Variants in XPA observed in about 807,000 individuals in gnomAD.
The protein encoded by XPA is DNA repair protein complementing XP-A cells.
In XPA, 27 loss-of-function variants were observed where a neutral mutation model predicts 35.7. The observed-to-expected ratio is 0.76, with a 90% CI of 0.56 to 1.04. The LOEUF is 1.04. Among genes scored for constraint, XPA ranks in the 50% least tolerant of loss-of-function variants. The pLI is 0.00. For synonymous variants in XPA, 133 were observed against 118.4 expected (o/e 1.12, Z -0.80); for missense variants, 354 against 342.7 (o/e 1.03, Z -0.26).
chr9:97,658,876 C>T, the XPA span: 1 of 682,690 alleles, frequency 1.5e-6, no homozygotes, highest in East Asian at 2.7e-5. Context: ...GAAAGGTGGT[C>T]TATCATTAGC....
the XPA span, among the ~76,000 whole-genome samples, chr9:97,667,847 A>G: frequency 6.6e-6 from 1 of 152,248 alleles, no homozygotes; most frequent in African/African-American, 2.4e-5. Flanking sequence ...ACATATTTAT[A>G]TAACATTGGC....
the XPA span, chr9:97,669,070 ACATT>A: frequency 3.7e-6 from 5 of 1,340,474 alleles, no homozygotes; most frequent in Non-Finnish European, 5.1e-6. Context: ...AAAGGAATAC[ACATT>A]CATTTATAGA....
rs1554702607 is a variant in XPA at position 97,693,689 on chromosome 9, TTCTTCC to T, written c.237_242del (p.Glu83_Glu84del). On this transcript the variant is annotated inframe_deletion, in exon 2 of 6. Coordinates refer to ENST00000375128, the MANE Select transcript of XPA (RefSeq NM_000380.4). ...CTTTTCCAATTTTCTGTTCTTCTTCTTCTTCCTCTTCTAAAATGAAGCCTCCTCCTG... is the reference window on the plus strand; with the variant it reads ...CTTTTCCAATTTTCTGTTCTTCTTCTTCTTCTAAAATGAAGCCTCCTCCTG... The T allele has an allele frequency of 1.9e-6, 3 of 1,613,482 alleles. No homozygotes were observed. In the South Asian group the frequency reaches 3.3e-5, roughly 18 times the overall value.
At chr9:97,668,724 A>G in the XPA span, 1 of 1,061,610 alleles carries the variant, frequency 9.4e-7, no homozygotes, top group Non-Finnish European at 1.3e-6. Flanking sequence ...GTGGGGGGGT[A>G]CTTTCACTAT....
At chr9:97,663,154 C>A in the XPA span, 5 of 831,738 alleles carry the variant, frequency 6.0e-6, no homozygotes, top group Non-Finnish European at 9.7e-6. Flanking sequence ...TTGACTCTGC[C>A]TAGATAATGG....
chr9:97,675,939 C>T (rs1340547370), intron 5 of XPA: 1 of 269,620 alleles, frequency 3.7e-6, no homozygotes, highest in East Asian at 8.3e-5. Context: ...AACAGAATGC[C>T]ACAGTAGGAA....
At chr9:97,657,926 A>ATAT in the XPA span, among the ~76,000 whole-genome samples, 461 of 91,410 alleles carry the variant, frequency 5.0e-3, 2 homozygotes, top group Non-Finnish European at 7.3e-3. Flanking sequence ...ATATATATAT[A>ATAT]TTTTTTTTTT....
At chr9:97,683,394 T>G (rs1828605586) in intron 5 of XPA, among the ~76,000 whole-genome samples, 1 of 152,178 alleles carries the variant, frequency 6.6e-6, no homozygotes, top group South Asian at 2.1e-4. Flanking sequence ...TGGCTAATTT[T>G]GGGAAGGTTC....
the XPA span, among the ~76,000 whole-genome samples, chr9:97,666,395 A>C: frequency 1.3e-5 from 2 of 152,182 alleles, no homozygotes; most frequent in African/African-American, 4.8e-5. Context: ...TTTTGAGAAA[A>C]TTTCTACACA....
chr9:97,692,545 G>A (rs1828925478), intron 2 of XPA, among the ~76,000 whole-genome samples: 1 of 152,140 alleles, frequency 6.6e-6, no homozygotes, highest in Non-Finnish European at 1.5e-5. Flanking sequence ...AATTTACCAG[G>A]ATGCATTAGA....
In XPA at chr9:97,674,949, C is replaced by T; in HGVS notation, c.*490G>A. ...TCAATGTTTATTTCTGCTATTAGGG[C>T]TTTTTCCAGCAGTAGTTCCCCACTG... On this transcript the variant is annotated 3_prime_UTR_variant, in exon 6 of 6. Coordinates refer to ENST00000375128, the MANE Select transcript of XPA (RefSeq NM_000380.4). 5.8e-6 allele frequency: 3 copies of T among 518,348 alleles called. No individual in the cohort carries two copies. Among genetic ancestry groups the T allele is most frequent in the Non-Finnish European group, 1.1e-5 (3 of 266,234 alleles). 32.1% of individuals were successfully genotyped at this position (518,348 alleles called of 1,614,324 possible).
chr9:97,657,929 T>A, the XPA span, among the ~76,000 whole-genome samples: 1,516 of 99,564 alleles, frequency 0.015, 15 homozygotes, highest in African/African-American at 0.058. Flanking sequence ...TATATATATT[T>A]TTTTTTTTTT....
At chr9:97,668,870 A>G in the XPA span, 8 of 1,613,886 alleles carry the variant, frequency 5.0e-6, no homozygotes, top group African/African-American at 1.3e-5. Flanking sequence ...CGACAGAAGC[A>G]GTGACAGGAA....
intron 5 of XPA, among the ~76,000 whole-genome samples, chr9:97,676,865 A>G (rs1246856265): frequency 6.6e-6 from 1 of 152,158 alleles, no homozygotes. Context: ...TGTTCATCCA[A>G]ACTCTTCATT....
At position 97,697,304 on chromosome 9, in the gene XPA, T is replaced by C. The variant is rs1314443865; in HGVS notation, c.-12A>G. The C allele has an allele frequency of 6.3e-7, 1 of 1,597,318 alleles. No homozygotes were observed. The highest frequency in any genetic ancestry group is 1.1e-5 in the South Asian group (1 of 91,018). ...TCGGCCGCCGCCATCTCTGGCCCAC[T>C]CCGAGGACCTAGCTCCCAGCTCCAC... On this transcript the variant is annotated 5_prime_UTR_variant, in exon 1 of 6. Coordinates refer to ENST00000375128, the MANE Select transcript of XPA (RefSeq NM_000380.4).
downstream of XPA, chr9:97,669,960 T>G: frequency 8.3e-6 from 4 of 481,364 alleles, no homozygotes; most frequent in Non-Finnish European, 1.1e-5. Flanking sequence ...TCTCACTCTG[T>G]TGCCCAGGCT....
intron 5 of XPA, among the ~76,000 whole-genome samples, chr9:97,677,751 TC>T (rs1427241012): frequency 1.4e-5 from 2 of 145,082 alleles, no homozygotes; most frequent in Non-Finnish European, 2.9e-5. Flanking sequence ...TTTGGGTTTT[TC>T]TTTTTTTTTT....
At chr9:97,685,338 C>T (rs551534905) in intron 4 of XPA, among the ~76,000 whole-genome samples, 15 of 152,130 alleles carry the variant, frequency 9.9e-5, no homozygotes, top group Admixed American at 6.5e-4. Flanking sequence ...TGAGTTTGAT[C>T]AACTGTGGTG....
chr9:97,697,225 G>C lies in XPA; in HGVS notation c.68C>G (p.Ser23Trp). 1 of 1,601,234 alleles carries C rather than the reference G, an allele frequency of 6.2e-7. No individual in the cohort carries two copies. The highest frequency in any genetic ancestry group is 8.5e-7 in the Non-Finnish European group (1 of 1,179,038). ...ALEQPAELPA[S>W]VRASIERKRQ... ...CTTCCGCTCGATACTCGCCCGCACC[G>C]AGGCAGGCAGCTCCGCGGGTTGCTC... The change falls in exon 1 of 6, where the codon TCG (serine) becomes TGG (tryptophan). Residue 23 changes from serine (S) to tryptophan (W), a missense_variant. Ser to Trp is a radical substitution (Grantham distance 177). Transcript: ENST00000375128.
Sources: allele counts gnomAD v4.1 joint callset (sites outside exome capture counted in the v4.1 genomes callset), GRCh38; gene constraint gnomAD v4.1.1; transcripts MANE v1.5; gene names NCBI Gene and HGNC (gene_info 2026-07-23, HGNC 2026-07-21).